LGR6: variants seen among roughly 807,000 people sequenced by gnomAD.
LGR6 encodes leucine-rich repeat-containing G protein-coupled receptor 6.
A neutral mutation model predicts 69.4 loss-of-function variants in LGR6; 45 were observed. The observed-to-expected ratio is 0.65, with a 90% CI of 0.51 to 0.83. The LOEUF is 0.83. Ranked by LOEUF, LGR6 falls within the 40% of genes least tolerant of loss-of-function variation. The pLI is 0.00. For synonymous variants in LGR6, 538 were observed against 555.0 expected (o/e 0.97, Z 0.43); for missense variants, 1,108 against 1,246.7 (o/e 0.89, Z 1.68).
In LGR6 at chr1:202,193,878, G is replaced by T. The variant is rs2147879793; in HGVS notation, c.-112G>T. 1.8e-6 allele frequency: 1 copy of T among 559,976 alleles called. No homozygotes were observed. The highest frequency in any genetic ancestry group is 6.1e-5 in the South Asian group (1 of 16,488). The allele number at this position is 559,976 out of a possible 1,614,324, so 34.7% of individuals were successfully genotyped here. A position where few individuals can be genotyped will look rare whatever the true frequency, so the allele number is the denominator to read the frequency against. On this transcript the variant is annotated 5_prime_UTR_variant, in exon 1 of 18. Coordinates refer to ENST00000367278, the MANE Select transcript of LGR6 (RefSeq NM_001017403.2). Reference sequence around the variant, plus strand: ...CCGCCGCCGCCCAATAGAGCCCCTGGGGCGGTCCCCACCGACGGTGCAGCC... The same window carrying T: ...CCGCCGCCGCCCAATAGAGCCCCTGTGGCGGTCCCCACCGACGGTGCAGCC...
At chr1:202,308,436 A>C (rs1196031082) in intron 14 of LGR6, among the ~76,000 whole-genome samples, 1 of 152,154 alleles carries the variant, frequency 6.6e-6, no homozygotes, top group Non-Finnish European at 1.5e-5. Flanking sequence ...TCCACGACGC[A>C]CAGTCTGTGG....
intron 4 of LGR6, among the ~76,000 whole-genome samples, chr1:202,274,571 G>A (rs1386591964): frequency 1.3e-5 from 2 of 152,192 alleles, no homozygotes; most frequent in African/African-American, 4.8e-5. Context: ...AAACATTAAC[G>A]TGCTGATGAA....
intron 1 of LGR6, among the ~76,000 whole-genome samples, chr1:202,197,263 G>A (rs1380321678): frequency 1.3e-5 from 2 of 152,098 alleles, no homozygotes; most frequent in African/African-American, 4.8e-5. Flanking sequence ...TTGGTTCTAG[G>A]GAAGACCAGA....
intron 8 of LGR6, 67 bp from the exon 9 acceptor site, chr1:202,301,097 G>A: frequency 6.8e-7 from 1 of 1,473,428 alleles, no homozygotes; most frequent in Non-Finnish European, 9.5e-7. Context: ...AGAAAGCAGA[G>A]ATTGGCCTTA....
At chr1:202,296,111 T>C (rs1021648073) in intron 6 of LGR6, among the ~76,000 whole-genome samples, 4 of 152,134 alleles carry the variant, frequency 2.6e-5, no homozygotes, top group African/African-American at 7.2e-5. Context: ...GGCCTCCATG[T>C]GGTCCCCCTG....
At chr1:202,204,446 T>C (rs1425202202) in intron 1 of LGR6, among the ~76,000 whole-genome samples, 56 of 11,426 alleles carry the variant, frequency 4.9e-3, no homozygotes, top group African/African-American at 7.0e-3. Context: ...CACACACACC[T>C]CCACACACAC....
rs1341409278 is a variant in LGR6, at chr1:202,306,691, A to T, written c.1137-177A>T. 3 of 672,462 alleles carry T rather than the reference A, an allele frequency of 4.5e-6. No homozygotes were observed. In the African/African-American group the frequency reaches 5.5e-5, roughly 12 times the overall value. 41.7% of individuals were successfully genotyped at this position (672,462 alleles called of 1,614,324 possible). ...CTTTGTCTCCTGACCCACTTACCCA[A>T]GGCAACCGGATCCCCTTGTGCTCCC... On this transcript the variant is annotated intron_variant, in intron 12 of 17. Transcript: ENST00000367278.
chr1:202,203,659 C>T, intron 1 of LGR6: 1 of 673,898 alleles, frequency 1.5e-6, no homozygotes, highest in Non-Finnish European at 2.6e-6. Context: ...GCGCAAATAA[C>T]TGTGACCTGT....
chr1:202,193,883 G>A lies in LGR6; in HGVS notation c.-107G>A, dbSNP rs1440301962. 2.2e-5 allele frequency: 14 copies of A among 631,474 alleles called. No homozygotes were observed. The highest frequency in any genetic ancestry group is 5.1e-5 in the South Asian group (1 of 19,686). The allele number at this position is 631,474 out of a possible 1,614,324, so 39.1% of individuals were successfully genotyped here. ...GCCGCCCAATAGAGCCCCTGGGGCGGTCCCCACCGACGGTGCAGCCCGCCG... is the reference window on the plus strand; with the variant it reads ...GCCGCCCAATAGAGCCCCTGGGGCGATCCCCACCGACGGTGCAGCCCGCCG... On this transcript the variant is annotated 5_prime_UTR_variant, in exon 1 of 18. Transcript: ENST00000367278.
Position 202,317,936 on chromosome 1 carries a change from C to G in LGR6, c.1649-16C>G, listed in dbSNP as rs763503175. Reference sequence around the variant, plus strand: ...CCATCCTCTGGCCCAGGGTTAATGTCTGATCTCTCCTACAGGCCCCTTCAA... The same window carrying G: ...CCATCCTCTGGCCCAGGGTTAATGTGTGATCTCTCCTACAGGCCCCTTCAA... On this transcript the variant is annotated splice_polypyrimidine_tract_variant and intron_variant, in intron 17 of 17. Coordinates refer to ENST00000367278, the MANE Select transcript of LGR6 (RefSeq NM_001017403.2). 1.3e-6 allele frequency: 2 copies of G among 1,584,972 alleles called. No individual in the cohort carries two copies. Among genetic ancestry groups the G allele is most frequent in the East Asian group, 4.5e-5 (2 of 44,568 alleles).
chr1:202,220,159 C>T (rs1660051253), intron 1 of LGR6, among the ~76,000 whole-genome samples: 1 of 152,090 alleles, frequency 6.6e-6, no homozygotes, highest in Non-Finnish European at 1.5e-5. Flanking sequence ...GGATTACAGG[C>T]ATGAGCCACC....
intron 4 of LGR6, among the ~76,000 whole-genome samples, chr1:202,244,059 G>A (rs1662439698): frequency 6.6e-6 from 1 of 152,132 alleles, no homozygotes; most frequent in East Asian, 1.9e-4. Flanking sequence ...CCGGGTTCAA[G>A]CAATTCTCCT....
rs376189991 is a variant in LGR6 at position 202,196,265 on chromosome 1, T to C, written c.212+2064T>C. ...GGTGCATGAAGGATTCCTACAGTTG[T>C]CCTGAGGGTGTCTCAGAGGAGGAAT... On this transcript the variant is annotated intron_variant, in intron 1 of 17. Coordinates refer to ENST00000367278, the MANE Select transcript of LGR6 (RefSeq NM_001017403.2). Among the ~76,000 whole-genome samples, 107 of 152,204 alleles carry C rather than the reference T, an allele frequency of 7.0e-4. 1 individual carries two copies. In the South Asian group the frequency reaches 0.018, roughly 25 times the overall value.
chr1:202,272,306 C>T (rs1665170751), intron 4 of LGR6, among the ~76,000 whole-genome samples: 1 of 152,236 alleles, frequency 6.6e-6, no homozygotes, highest in Non-Finnish European at 1.5e-5. Flanking sequence ...CCAAGCCCAC[C>T]TGGCCTGAGT....
At chr1:202,264,629 C>T (rs539270433) in intron 4 of LGR6, among the ~76,000 whole-genome samples, 5 of 152,292 alleles carry the variant, frequency 3.3e-5, no homozygotes, top group East Asian at 1.9e-4. Context: ...CCCAGGATTC[C>T]GGGATTGTCA....
At chr1:202,310,992 G>A (rs907428789) in intron 16 of LGR6, among the ~76,000 whole-genome samples, 2 of 151,912 alleles carry the variant, frequency 1.3e-5, no homozygotes, top group Admixed American at 1.3e-4. Context: ...GAAGAGTTAG[G>A]GTAAAAGGCA....
At chr1:202,267,689 G>A (rs1443182469) in intron 4 of LGR6, among the ~76,000 whole-genome samples, 1 of 152,102 alleles carries the variant, frequency 6.6e-6, no homozygotes, top group African/African-American at 2.4e-5. Context: ...AGCACACCTG[G>A]CAATTAGCTC....
chr1:202,280,922 G>T, intron 6 of LGR6, 70 bp downstream of exon 6: 1 of 1,408,996 alleles, frequency 7.1e-7, no homozygotes, highest in Middle Eastern at 1.8e-4. Context: ...GGAGTGGAGG[G>T]AGCACACAGA....
At chr1:202,238,921 C>G (rs1571870551) in intron 4 of LGR6, among the ~76,000 whole-genome samples, 1 of 152,150 alleles carries the variant, frequency 6.6e-6, no homozygotes, top group East Asian at 1.9e-4. Flanking sequence ...TCCCCAACAG[C>G]TAACACGAAG....
Sources: gnomAD v4.1 joint callset for allele counts (sites outside exome capture counted in the v4.1 genomes callset) on GRCh38, gnomAD v4.1.1 for gene constraint, MANE v1.5 for transcripts, NCBI Gene and HGNC (gene_info 2026-07-23, HGNC 2026-07-21) for gene names.